TAF2: variants seen among roughly 807,000 people sequenced by gnomAD.
The protein encoded by TAF2 is transcription initiation factor TFIID subunit 2.
A neutral mutation model predicts 138.5 loss-of-function variants in TAF2; 61 were observed. That is an observed-to-expected ratio of 0.44 (90% CI 0.36 to 0.54). The LOEUF is 0.54. TAF2 is among the 20% of genes least tolerant of loss of function. TAF2 has a pLI of 0.00. For missense variants in TAF2, 1,090 were observed against 1,427.9 expected, an observed-to-expected ratio of 0.76 and a Z score of 3.81; for synonymous variants, 475 against 469.9, an observed-to-expected ratio of 1.01 and a Z score of -0.14.
rs1262055727 is a variant in TAF2, at chr8:119,793,521, G to C, written c.1192-70C>G. The C allele has an allele frequency of 4.7e-6, 5 of 1,063,016 alleles. No homozygotes were observed. In the African/African-American group the frequency reaches 8.0e-5, roughly 17 times the overall value. 65.8% of individuals were successfully genotyped at this position (1,063,016 alleles called of 1,614,324 possible). The stretch of plus-strand genomic sequence containing the variant: ...ACATTTTTTTACATACCAAATTTTA[G>C]AATTAAACTGTGAATTCTCATTTCC... On this transcript the variant is annotated intron_variant, in intron 9 of 25. Coordinates refer to ENST00000378164, the MANE Select transcript of TAF2 (RefSeq NM_003184.4).
chr8:119,831,604 G>A, intron 2 of TAF2, 73 bp downstream of exon 2: 1 of 1,117,458 alleles, frequency 8.9e-7, no homozygotes, highest in Non-Finnish European at 1.3e-6. Flanking sequence ...AACTTTCTAA[G>A]TACTGTGAGG....
rs770114326 is a variant in TAF2 at position 119,758,162 on chromosome 8, T to C, written c.2699-20A>G. 1.3e-6 allele frequency: 2 copies of C among 1,574,038 alleles called. No homozygotes were observed. Among genetic ancestry groups the C allele is most frequent in the South Asian group, 2.2e-5 (2 of 90,052 alleles). Reference sequence around the variant, plus strand: ...TGTCCACTGAAAATAAAAGAAAATATATTTGTTGTTAATTATAACAAATTA... The same window carrying C: ...TGTCCACTGAAAATAAAAGAAAATACATTTGTTGTTAATTATAACAAATTA... On this transcript the variant is annotated intron_variant, in intron 20 of 25. Transcript: ENST00000378164.
At chr8:119,828,863 G>A (rs1826260502) in intron 2 of TAF2, among the ~76,000 whole-genome samples, 1 of 152,188 alleles carries the variant, frequency 6.6e-6, no homozygotes, top group Non-Finnish European at 1.5e-5. Context: ...AATATTTCAG[G>A]CTTTGTGGGT....
Position 119,730,879 on chromosome 8 carries a change from G to T in TAF2, c.*1045C>A, listed in dbSNP as rs1311957369. On this transcript the variant is annotated 3_prime_UTR_variant, in exon 26 of 26. Coordinates refer to ENST00000378164, the MANE Select transcript of TAF2 (RefSeq NM_003184.4). ...CAAACTTTCTAATGATAAGGGGAAT[G>T]ATAAAAATTGAACAGATATAAAAAA... is the stretch of plus-strand genomic sequence containing the variant. 1.3e-5 allele frequency: 2 copies of T among 152,134 alleles called. No homozygotes were observed. The highest frequency in any genetic ancestry group is 2.9e-5 in the Non-Finnish European group (2 of 68,006). The allele number at this position is 152,134 out of a possible 1,614,324, so 9.4% of individuals were successfully genotyped here.
chr8:119,818,074 T>G (rs1191716972), intron 3 of TAF2, among the ~76,000 whole-genome samples: 1 of 152,252 alleles, frequency 6.6e-6, no homozygotes, highest in African/African-American at 2.4e-5. Context: ...TGTGAAAGAT[T>G]TTAAACCAAT....
chr8:119,813,481 T>G (rs1825237057), intron 3 of TAF2, among the ~76,000 whole-genome samples: 2 of 152,280 alleles, frequency 1.3e-5, no homozygotes, highest in South Asian at 4.1e-4. Flanking sequence ...TGTATCTAGA[T>G]AAAGGACAAA....
At chr8:119,801,323 A>G (rs566796682) in intron 6 of TAF2, among the ~76,000 whole-genome samples, 2 of 152,334 alleles carry the variant, frequency 1.3e-5, no homozygotes, top group Admixed American at 1.3e-4. Context: ...AAAGAAATTC[A>G]TTCAAGAATT....
Position 119,744,319 on chromosome 8 carries a change from A to G in TAF2, c.3183T>C (p.His1061=), listed in dbSNP as rs1296962592. The part of the protein sequence containing the change: ...VHDSQAFISH[H]LNMLERPSTP... ...TTGACGGCCTTTCAAGCATGTTTAA[A>G]TGATGGGAAATGAAGGCCTGGCTAT... Residue 1061 remains histidine, a synonymous_variant, in exon 24 of 26, where the codon CAT becomes CAC. Coordinates refer to ENST00000378164, the MANE Select transcript of TAF2 (RefSeq NM_003184.4). 6.2e-7 allele frequency: 1 copy of G among 1,613,882 alleles called. No individual in the cohort carries two copies. The highest frequency in any genetic ancestry group is 2.2e-5 in the East Asian group (1 of 44,834).
rs199848307 is a variant in TAF2, at chr8:119,797,059, A to G, written c.1022T>C (p.Leu341Ser). The stretch of plus-strand genomic sequence containing the variant: ...GGATTGGGCTAAACACCTTCTAGTC[A>G]AAGGTGTCTCATCTATAATCATGGC... ...HSAMIIDETP[L>S]TRRCLAQSLA... The change falls in exon 8 of 26, where the codon TTG (leucine) becomes TCG (serine). Residue 341 changes from leucine (L) to serine (S), a missense_variant. By Grantham distance (145) the Leu-to-Ser change is moderately radical. Coordinates refer to ENST00000378164, the MANE Select transcript of TAF2 (RefSeq NM_003184.4). The G allele has an allele frequency of 3.1e-6, 5 of 1,613,372 alleles. No individual in the cohort carries two copies. The East Asian group carries it at 1.1e-4, about 36-fold the overall frequency.
chr8:119,780,403 G>T (rs1036420070), intron 17 of TAF2, among the ~76,000 whole-genome samples: 1 of 152,184 alleles, frequency 6.6e-6, no homozygotes, highest in Non-Finnish European at 1.5e-5. Flanking sequence ...CTGCTAGTGA[G>T]TAGTGGACTG....
intron 23 of TAF2, among the ~76,000 whole-genome samples, chr8:119,745,652 G>A (rs1336375660): frequency 6.6e-6 from 1 of 151,970 alleles, no homozygotes; most frequent in Non-Finnish European, 1.5e-5. Context: ...GAGACATTTT[G>A]TCATCAATAA....
At chr8:119,753,249 T>C (rs1005033219) in intron 22 of TAF2, among the ~76,000 whole-genome samples, 9 of 152,226 alleles carry the variant, frequency 5.9e-5, no homozygotes, top group African/African-American at 2.2e-4. Flanking sequence ...TCAAGAATTA[T>C]GTAATATTTC....
chr8:119,826,478 C>T (rs942898900), intron 2 of TAF2, among the ~76,000 whole-genome samples: 8 of 152,184 alleles, frequency 5.3e-5, no homozygotes, highest in Admixed American at 2.6e-4. Context: ...TTATTAGCAG[C>T]GTGAAAATGG....
At chr8:119,746,657 T>C in intron 23 of TAF2, 48 bp downstream of exon 23, 1 of 1,568,336 alleles carries the variant, frequency 6.4e-7, no homozygotes, top group Non-Finnish European at 8.8e-7. Context: ...CTTCTCTAGA[T>C]CCTCTATATA....
Position 119,783,602 on chromosome 8 carries a change from C to A in TAF2, c.1891G>T (p.Asp631Tyr). Residue 631 changes from aspartate (D) to tyrosine (Y), a missense_variant, in exon 16 of 26, where the codon GAC becomes TAC. This residue lies in a region of TAF2 where 580 missense variants were observed against 719.6 expected (regional missense o/e 0.81). Transcript: ENST00000378164. ...TTCCTCAATACTGACATATCTGGGT[C>A]TATCCTTATCCACAGCAAAGGGGAA... ...ADSPLLWIRI[D>Y]PDMSVLRKVE... 3.7e-6 allele frequency: 6 copies of A among 1,614,140 alleles called. No homozygotes were observed. Among genetic ancestry groups the A allele is most frequent in the Non-Finnish European group, 5.1e-6 (6 of 1,180,000 alleles).
intron 3 of TAF2, among the ~76,000 whole-genome samples, chr8:119,814,737 CA>C (rs397795248): frequency 0.32 from 27,548 of 86,708 alleles, 3,627 homozygotes; most frequent in Admixed American, 0.47. Context: ...ACCAAAAATA[CA>C]AAAAAAAAAA....
chr8:119,781,170 T>C lies in TAF2; in HGVS notation c.2136A>G (p.Thr712=), dbSNP rs745805035. The change falls in exon 17 of 26, where the codon ACA becomes ACG. Residue 712 remains threonine (T), a synonymous_variant. Coordinates refer to ENST00000378164, the MANE Select transcript of TAF2 (RefSeq NM_003184.4). The stretch of plus-strand genomic sequence containing the variant: ...ACTTCATGGCTGGTGGTCCTGTCCA[T>C]GTGCTCACCATTGAATTTGCAATCT... ...LAKIANSMVS[T]WTGPPAMKSL... The C allele has an allele frequency of 4.3e-6, 7 of 1,614,124 alleles. No homozygotes were observed. The highest frequency in any genetic ancestry group is 5.9e-6 in the Non-Finnish European group (7 of 1,180,028).
chr8:119,829,174 C>T (rs1332801629), intron 2 of TAF2, among the ~76,000 whole-genome samples: 11 of 152,186 alleles, frequency 7.2e-5, no homozygotes, highest in South Asian at 2.1e-4. Context: ...CAATACCCTA[C>T]GAGTTGCATT....
chr8:119,824,246 C>T (rs1052280932), intron 2 of TAF2, among the ~76,000 whole-genome samples: 41 of 151,708 alleles, frequency 2.7e-4, no homozygotes, highest in African/African-American at 8.7e-4. Context: ...CTGGCCAAGA[C>T]AGTGAAACCC....
Sources: gnomAD v4.1 joint callset for allele counts (sites outside exome capture counted in the v4.1 genomes callset) on GRCh38, gnomAD v4.1.1 for gene constraint, gnomAD v4.1.1 regional missense constraint, MANE v1.5 for transcripts, NCBI Gene and HGNC (gene_info 2026-07-23, HGNC 2026-07-21) for gene names.